Variants in LARP4B observed in about 807,000 individuals in gnomAD.
LARP4B encodes La ribonucleoprotein 4B, also known as la-related protein 4B.
In LARP4B, 12 loss-of-function variants were observed where a neutral mutation model predicts 89.8. The observed-to-expected ratio is 0.13, with a 90% CI of 0.09 to 0.22. The LOEUF (loss-of-function observed/expected upper bound fraction) is 0.22. Among genes scored for constraint, LARP4B ranks in the 10% least tolerant of loss-of-function variants. LARP4B has a pLI of 1.00. For synonymous variants in LARP4B, 367 were observed against 363.3 expected (o/e 1.01, Z -0.12); for missense variants, 757 against 947.7 (o/e 0.80, Z 2.64).
intron 5 of LARP4B, among the ~76,000 whole-genome samples, chr10:852,884 TA>T (rs1442153602): frequency 6.6e-6 from 1 of 152,038 alleles, no homozygotes; most frequent in Non-Finnish European, 1.5e-5. Flanking sequence ...CCAAAAAATA[TA>T]AAATACTTAT....
upstream of LARP4B, among the ~76,000 whole-genome samples, chr10:933,431 C>G (rs1020821276): frequency 2.6e-5 from 4 of 152,132 alleles, no homozygotes; most frequent in African/African-American, 9.7e-5. Flanking sequence ...TCGTACTCAG[C>G]GTTCAAATGC....
intron 1 of LARP4B, among the ~76,000 whole-genome samples, chr10:911,276 G>A (rs1245554087): frequency 5.3e-5 from 8 of 151,956 alleles, no homozygotes; most frequent in African/African-American, 1.9e-4. Flanking sequence ...CTGATGATAA[G>A]ATTTGAAAAC....
At chr10:887,412 T>C (rs1196096913) in intron 1 of LARP4B, among the ~76,000 whole-genome samples, 3 of 147,272 alleles carry the variant, frequency 2.0e-5, no homozygotes, top group African/African-American at 7.5e-5. Flanking sequence ...GTATACACAA[T>C]TAAAAAAAAA....
intron 3 of LARP4B, among the ~76,000 whole-genome samples, chr10:875,564 C>T (rs11812900): frequency 6.6e-6 from 1 of 152,338 alleles, no homozygotes. Context: ...AACAGAATAC[C>T]TGAGATGGGG....
intron 7 of LARP4B, among the ~76,000 whole-genome samples, chr10:842,214 T>TA (rs1313082092): frequency 1.3e-5 from 2 of 151,886 alleles, no homozygotes; most frequent in African/African-American, 2.4e-5. Context: ...TTTTTTTTTT[T>TA]ATGAGATGGA....
At chr10:883,703 G>A (rs1322090580) in intron 3 of LARP4B, among the ~76,000 whole-genome samples, 1 of 151,362 alleles carries the variant, frequency 6.6e-6, no homozygotes, top group Non-Finnish European at 1.5e-5. Context: ...GGAGGCCAAG[G>A]CGGGAGGATC....
intron 1 of LARP4B, among the ~76,000 whole-genome samples, chr10:906,144 A>G (rs972146827): frequency 6.6e-6 from 1 of 152,332 alleles, no homozygotes; most frequent in South Asian, 2.1e-4. Flanking sequence ...CTATATCCAT[A>G]ATGCATCAAC....
the LARP4B span, among the ~76,000 whole-genome samples, chr10:964,732 G>T: frequency 9.1e-4 from 139 of 152,302 alleles, no homozygotes; most frequent in Non-Finnish European, 1.2e-3. Context: ...ACTAATGAGG[G>T]TGTTTGTGAT....
At chr10:973,617 C>A in the LARP4B span, among the ~76,000 whole-genome samples, 2 of 152,138 alleles carry the variant, frequency 1.3e-5, no homozygotes, top group Admixed American at 1.3e-4. Context: ...TCCCAAAGTG[C>A]TGGGATTACA....
the LARP4B span, among the ~76,000 whole-genome samples, chr10:976,833 G>C: frequency 1.3e-5 from 2 of 149,018 alleles, no homozygotes; most frequent in Admixed American, 6.7e-5. Flanking sequence ...AGGTAGGCCT[G>C]TCATGTAACG....
chr10:852,914 A>G (rs1834127833), intron 5 of LARP4B, among the ~76,000 whole-genome samples: 1 of 152,248 alleles, frequency 6.6e-6, no homozygotes. Context: ...TAAAAGATGT[A>G]AAAGACCAGT....
chr10:902,903 A>G (rs1354631112), intron 1 of LARP4B, among the ~76,000 whole-genome samples: 1 of 152,208 alleles, frequency 6.6e-6, no homozygotes, highest in Admixed American at 6.5e-5. Flanking sequence ...TCGGCCTCGA[A>G]AAGTGCTGGG....
intron 11 of LARP4B, among the ~76,000 whole-genome samples, chr10:828,814 C>G (rs546443446): frequency 6.6e-6 from 1 of 152,344 alleles, no homozygotes; most frequent in East Asian, 1.9e-4. Flanking sequence ...TGCCACCAAA[C>G]TCATGCTAAT....
At chr10:884,583 G>A in intron 2 of LARP4B, 77 bp from the exon 3 acceptor site, 4 of 923,934 alleles carry the variant, frequency 4.3e-6, no homozygotes, top group African/African-American at 3.3e-5. Flanking sequence ...ACAGTAATTA[G>A]GCAAAACTAA....
chr10:922,341 G>A (rs1047483354), intron 1 of LARP4B, among the ~76,000 whole-genome samples: 7 of 152,094 alleles, frequency 4.6e-5, no homozygotes, highest in African/African-American at 1.7e-4. Context: ...GGTACGGGTC[G>A]GACAACCTGG....
At chr10:823,036 G>A (rs942398474) in intron 13 of LARP4B, among the ~76,000 whole-genome samples, 5 of 152,206 alleles carry the variant, frequency 3.3e-5, no homozygotes, top group Admixed American at 2.6e-4. Flanking sequence ...GGGCAAGCAA[G>A]GCCTGGCACA....
At chr10:972,717 T>C in the LARP4B span, 5 of 456,986 alleles carry the variant, frequency 1.1e-5, no homozygotes, top group Admixed American at 7.0e-5. Context: ...GCATTCTACA[T>C]TGAGATCTGA....
chr10:923,546 T>C (rs75881757), intron 1 of LARP4B, among the ~76,000 whole-genome samples: 1,790 of 150,230 alleles, frequency 0.012, 32 homozygotes, highest in African/African-American at 0.041. Context: ...TAAAGGTTAC[T>C]GGTATTCTCT....
chr10:949,943 T>C, the LARP4B span, among the ~76,000 whole-genome samples: 1 of 152,132 alleles, frequency 6.6e-6, no homozygotes. Context: ...GCCCAGCTAA[T>C]GTTTGTTTTT....
Sources: gnomAD v4.1 joint callset for allele counts (sites outside exome capture counted in the v4.1 genomes callset) on GRCh38, gnomAD v4.1.1 for gene constraint, MANE v1.5 for transcripts, NCBI Gene and HGNC (gene_info 2026-07-23, HGNC 2026-07-21) for gene names.